Variants in TMEM132C observed in about 807,000 individuals in gnomAD.
The protein encoded by TMEM132C is transmembrane protein 132C, also known as protein phosphatase 1, regulatory subunit 152.
In TMEM132C, 29 loss-of-function variants were observed where a neutral mutation model predicts 61.4. That is an observed-to-expected ratio of 0.47 (90% CI 0.35 to 0.64). The LOEUF is 0.64. Ranked by LOEUF, TMEM132C falls within the 30% of genes least tolerant of loss-of-function variation. The pLI, the probability that TMEM132C is intolerant of heterozygous loss-of-function variation, is 0.00. For synonymous variants in TMEM132C, 656 were observed against 633.1 expected (o/e 1.04, Z -0.54); for missense variants, 1,408 against 1,476.9 (o/e 0.95, Z 0.76).
chr12:128,407,729 G>T (rs187112852), intron 1 of TMEM132C, among the ~76,000 whole-genome samples: 1 of 152,174 alleles, frequency 6.6e-6, no homozygotes, highest in Non-Finnish European at 1.5e-5. Context: ...GAAGAGGCAC[G>T]CTGTCACTTC....
intron 2 of TMEM132C, among the ~76,000 whole-genome samples, chr12:128,440,030 T>G (rs747188384): frequency 8.5e-5 from 13 of 152,246 alleles, no homozygotes; most frequent in Non-Finnish European, 1.8e-4. Flanking sequence ...CTTTTCTCTT[T>G]CTGTTTGGAG....
chr12:128,405,092 A>G (rs1875295435), intron 1 of TMEM132C, among the ~76,000 whole-genome samples: 1 of 152,148 alleles, frequency 6.6e-6, no homozygotes, highest in Admixed American at 6.5e-5. Context: ...TTTCAGGTCA[A>G]TAAAAATGAC....
rs531860673 is a variant in TMEM132C, at chr12:128,581,178, T to C, written c.1122-34974T>C. ...GCAGATATAAAGTCACTGCCACTGA[T>C]TAATGCGGATATGTGTGGGCTCAGA... On this transcript the variant is annotated intron_variant, in intron 3 of 8. Transcript: ENST00000435159. Among the ~76,000 whole-genome samples the C allele has an allele frequency of 3.3e-5, 5 of 152,200 alleles. No individual in the cohort carries two copies. In the East Asian group the frequency reaches 9.7e-4, roughly 29 times the overall value.
chr12:128,508,884 A>G (rs1254025903), intron 2 of TMEM132C, among the ~76,000 whole-genome samples: 2 of 152,134 alleles, frequency 1.3e-5, no homozygotes, highest in South Asian at 4.1e-4. Flanking sequence ...GTGTCATGTC[A>G]TGTCAGTCTC....
chr12:128,449,210 G>T (rs79701941), intron 2 of TMEM132C, among the ~76,000 whole-genome samples: 2,263 of 151,670 alleles, frequency 0.015, 59 homozygotes, highest in African/African-American at 0.052. Flanking sequence ...AAATCAGAGG[G>T]TCTGAAAACT....
intron 2 of TMEM132C, among the ~76,000 whole-genome samples, chr12:128,471,573 G>T (rs1386640430): frequency 1.3e-5 from 2 of 152,204 alleles, no homozygotes; most frequent in East Asian, 1.9e-4. Flanking sequence ...GGATTAAAAT[G>T]GGAGGCAGCC....
chr12:128,622,357 AAAAATATATATATATATATATAT>A (rs1388379537), intron 4 of TMEM132C, among the ~76,000 whole-genome samples: 20 of 60,268 alleles, frequency 3.3e-4, no homozygotes, highest in African/African-American at 1.1e-3. Context: ...AAAAAAAAAA[AAAAATATATATATATATATATAT>A]ATATATATAT....
intron 1 of TMEM132C, chr12:128,400,266 C>G (rs779396736): frequency 6.6e-6 from 1 of 152,236 alleles, no homozygotes; most frequent in Non-Finnish European, 1.5e-5. Context: ...CTGTGCCCAC[C>G]CGTGGCTGAG....
chr12:128,389,773 G>C (rs1232718139), intron 1 of TMEM132C, among the ~76,000 whole-genome samples: 1 of 152,202 alleles, frequency 6.6e-6, no homozygotes, highest in Non-Finnish European at 1.5e-5. Flanking sequence ...ATGAATCCAG[G>C]TAGACACAGG....
intron 4 of TMEM132C, among the ~76,000 whole-genome samples, chr12:128,625,215 C>G (rs1363779106): frequency 6.6e-6 from 1 of 152,168 alleles, no homozygotes; most frequent in African/African-American, 2.4e-5. Context: ...GCTGCTATAA[C>G]AAAATGCCAT....
intron 2 of TMEM132C, among the ~76,000 whole-genome samples, chr12:128,527,335 G>A (rs770567636): frequency 1.8e-4 from 27 of 152,120 alleles, no homozygotes; most frequent in African/African-American, 4.6e-4. Flanking sequence ...GTTTTTTTAC[G>A]AAGGAGTTTT....
At chr12:128,544,564 A>G (rs191783478) in intron 3 of TMEM132C, among the ~76,000 whole-genome samples, 145 of 152,336 alleles carry the variant, frequency 9.5e-4, no homozygotes, top group African/African-American at 3.4e-3. Context: ...GACATCCTGG[A>G]TGATTTTTTA....
rs548098803 is a variant in TMEM132C at position 128,446,127 on chromosome 12, G to C, written c.974+30507G>C. Among the ~76,000 whole-genome samples the C allele has an allele frequency of 7.9e-5, 12 of 152,342 alleles. No homozygotes were observed. In the East Asian group the frequency reaches 2.3e-3, roughly 29 times the overall value. On this transcript the variant is annotated intron_variant, in intron 2 of 8. Coordinates refer to ENST00000435159, the MANE Select transcript of TMEM132C (RefSeq NM_001136103.3). ...TTATTTGCCTTCTCAGATTCAGTAA[G>C]GAGGCCCCATTTTCAATCAGCGTGA... is the stretch of plus-strand genomic sequence containing the variant.
At chr12:128,584,409 C>G (rs1347821318) in intron 3 of TMEM132C, among the ~76,000 whole-genome samples, 2 of 152,154 alleles carry the variant, frequency 1.3e-5, no homozygotes, top group African/African-American at 4.8e-5. Context: ...CTTCTTGAAC[C>G]ATAGCACTTT....
At chr12:128,535,302 A>C (rs1382491439) in intron 2 of TMEM132C, among the ~76,000 whole-genome samples, 1 of 152,212 alleles carries the variant, frequency 6.6e-6, no homozygotes. Flanking sequence ...TGAACAGGCA[A>C]CCTACAGAAT....
At chr12:128,267,840 C>A (rs1232815897) in intron 1 of TMEM132C, among the ~76,000 whole-genome samples, 1 of 152,206 alleles carries the variant, frequency 6.6e-6, no homozygotes, top group Non-Finnish European at 1.5e-5. Context: ...GCACAGTCAC[C>A]CTGTGGAACT....
At chr12:128,639,046 A>ATGGTGATGGTGGTGATGATGATGGTGG (rs1565999091) in intron 4 of TMEM132C, among the ~76,000 whole-genome samples, 2 of 72,666 alleles carry the variant, frequency 2.8e-5, no homozygotes, top group African/African-American at 4.3e-5. Context: ...GATGATGGTG[A>ATGGTGATGGTGGTGATGATGATGGTGG]TAATGACAAT....
At chr12:128,692,683 A>G (rs1954728922) in intron 5 of TMEM132C, among the ~76,000 whole-genome samples, 1 of 152,142 alleles carries the variant, frequency 6.6e-6, no homozygotes, top group African/African-American at 2.4e-5. Flanking sequence ...TACCTCTTCA[A>G]TGGCCCCTCA....
rs1020124016 is a variant in TMEM132C at position 128,366,910 on chromosome 12, G to C, written c.86-47822G>C. On this transcript the variant is annotated intron_variant, in intron 1 of 8. Transcript: ENST00000435159. The stretch of plus-strand genomic sequence containing the variant: ...AGGCCAAAAATAAGCAAGTGCTTAA[G>C]CAATCACGTGAATTCAGAAATGTGT... Among the ~76,000 whole-genome samples the C allele has an allele frequency of 2.6e-5, 4 of 152,228 alleles. No homozygotes were observed. In the South Asian group the frequency reaches 8.3e-4, roughly 32 times the overall value.
Sources: gnomAD v4.1 joint callset for allele counts (sites outside exome capture counted in the v4.1 genomes callset) on GRCh38, gnomAD v4.1.1 for gene constraint, MANE v1.5 for transcripts, NCBI Gene and HGNC (gene_info 2026-07-23, HGNC 2026-07-21) for gene names.